The following BIRC6 variants were observed in gnomAD, a reference collection of about 807,000 sequenced individuals.
BIRC6 encodes dual E2 ubiquitin-conjugating enzyme/E3 ubiquitin-protein ligase BIRC6.
BIRC6 carries 98 observed loss-of-function variants against 503.3 expected under a neutral mutation model. That is an observed-to-expected ratio of 0.19 (90% confidence interval 0.17 to 0.23). BIRC6 has a LOEUF of 0.23. Ranked by LOEUF, BIRC6 falls within the 10% of genes least tolerant of loss-of-function variation. The probability of loss-of-function intolerance (pLI) is 1.00; values close to 1 mark genes in which losing one functional copy is unlikely to be tolerated. For missense variants in BIRC6, 5,360 were observed against 5,806.0 expected (o/e 0.92, Z 2.50); for synonymous variants, 2,240 against 2,078.7 (o/e 1.08, Z -2.11).
intron 61 of BIRC6, among the ~76,000 whole-genome samples, chr2:32,535,376 A>G (rs1558996413): frequency 6.6e-6 from 1 of 152,128 alleles, no homozygotes; most frequent in African/African-American, 2.4e-5. Flanking sequence ...ACATGTATAC[A>G]TGTGCAATGT....
chr2:32,589,171 T>G (rs1465487383), intron 66 of BIRC6, among the ~76,000 whole-genome samples: 1 of 152,232 alleles, frequency 6.6e-6, no homozygotes, highest in African/African-American at 2.4e-5. Context: ...TAAAAAAATC[T>G]TATTTGCTGC....
At chr2:32,383,116 G>T (rs1041018847) in intron 3 of BIRC6, among the ~76,000 whole-genome samples, 1 of 149,970 alleles carries the variant, frequency 6.7e-6, no homozygotes, top group Non-Finnish European at 1.5e-5. Context: ...GTGTGATCTC[G>T]GCTCACTGCA....
intron 16 of BIRC6, 79 bp downstream of exon 16, chr2:32,439,765 T>C (rs1256922639): frequency 1.5e-6 from 2 of 1,300,672 alleles, no homozygotes; most frequent in Non-Finnish European, 2.1e-6. Flanking sequence ...TTAGAAGTAG[T>C]ATGACCTTTC....
chr2:32,530,924 AT>A (rs1479136286), intron 60 of BIRC6, among the ~76,000 whole-genome samples: 1 of 152,112 alleles, frequency 6.6e-6, no homozygotes, highest in Non-Finnish European at 1.5e-5. Flanking sequence ...TTTGTCATTA[AT>A]TTTTCTTAAT....
At chr2:32,416,712 C>T (rs2042408823) in intron 10 of BIRC6, among the ~76,000 whole-genome samples, 1 of 152,040 alleles carries the variant, frequency 6.6e-6, no homozygotes, top group Non-Finnish European at 1.5e-5. Context: ...AATTTTGAAG[C>T]ACTATATAGA....
intron 1 of BIRC6, among the ~76,000 whole-genome samples, chr2:32,373,079 T>C (rs1193265515): frequency 6.6e-6 from 1 of 152,264 alleles, no homozygotes; most frequent in Non-Finnish European, 1.5e-5. Flanking sequence ...AGAGTTCCAG[T>C]TGTTCTGCAT....
chr2:32,454,137 T>TC (rs1265625282), intron 23 of BIRC6, among the ~76,000 whole-genome samples, 195 bp downstream of exon 23: 2 of 152,168 alleles, frequency 1.3e-5, no homozygotes, highest in African/African-American at 2.4e-5. Flanking sequence ...GGGTTATTTT[T>TC]CCCCCTGTAC....
intron 26 of BIRC6, 85 bp downstream of exon 26, chr2:32,465,249 ATTTTTTTTTT>A: frequency 3.7e-6 from 1 of 272,296 alleles, no homozygotes; most frequent in East Asian, 6.8e-5. Context: ...CTTCAGTTCG[ATTTTTTTTTT>A]TTTTTTTTTT....
intron 56 of BIRC6, 134 bp downstream of exon 56, chr2:32,518,531 A>G: frequency 1.1e-6 from 1 of 937,256 alleles, no homozygotes; most frequent in Non-Finnish European, 1.6e-6. Context: ...ATACCTAATG[A>G]CAGAACTTGA....
At chr2:32,600,242 C>CA (rs2061961833) in intron 70 of BIRC6, among the ~76,000 whole-genome samples, 1 of 152,112 alleles carries the variant, frequency 6.6e-6, no homozygotes, top group South Asian at 2.1e-4. Context: ...TTTCCATTTA[C>CA]AAAAAAGCTG....
intron 32 of BIRC6, 36 bp from the exon 33 acceptor site, chr2:32,473,076 A>G (rs751590006): frequency 6.6e-7 from 1 of 1,510,574 alleles, no homozygotes; most frequent in Non-Finnish European, 8.9e-7. Context: ...ATCACATTTA[A>G]CAGAATTATT....
At chr2:32,490,921 C>G (rs140821990) in intron 43 of BIRC6, among the ~76,000 whole-genome samples, 73 of 152,274 alleles carry the variant, frequency 4.8e-4, no homozygotes, top group African/African-American at 1.6e-3. Context: ...AAAAGCATCA[C>G]TGTGATACTG....
chr2:32,602,216 G>GA (rs2062111339), intron 70 of BIRC6, among the ~76,000 whole-genome samples: 1 of 152,168 alleles, frequency 6.6e-6, no homozygotes, highest in South Asian at 2.1e-4. Context: ...AATGGATAAA[G>GA]AAAACTTGGT....
chr2:32,410,735 C>G (rs1218792390), intron 9 of BIRC6, among the ~76,000 whole-genome samples: 1 of 150,890 alleles, frequency 6.6e-6, no homozygotes, highest in Non-Finnish European at 1.5e-5. Context: ...GAGTCTCGCT[C>G]TGTCGCCCAG....
Position 32,508,275 on chromosome 2 carries a change from C to A in BIRC6, c.9980+16C>A. 3 of 577,766 alleles carry A rather than the reference C, an allele frequency of 5.2e-6. No homozygotes were observed. The highest frequency in any genetic ancestry group is 5.5e-5 in the South Asian group (1 of 18,146). The allele number at this position is 577,766 out of a possible 1,614,324, so 35.8% of individuals were successfully genotyped here. A position where few individuals can be genotyped will look rare whatever the true frequency, so the allele number is the denominator to read the frequency against. On this transcript the variant is annotated intron_variant, in intron 51 of 73. Transcript: ENST00000421745. ...CCAAAACAAGGTATGTTTTGTTTGT[C>A]CTTTTTTTTTTTTTTTTTTTTTTTT...
chr2:32,504,230 G>T (rs2053550383), intron 49 of BIRC6, among the ~76,000 whole-genome samples: 1 of 151,724 alleles, frequency 6.6e-6, no homozygotes, highest in Admixed American at 6.6e-5. Flanking sequence ...TAAAAGTTTT[G>T]AATTTAGGTA....
chr2:32,505,878 G>T (rs1008618478), intron 50 of BIRC6, among the ~76,000 whole-genome samples: 2 of 151,694 alleles, frequency 1.3e-5, no homozygotes, highest in East Asian at 1.9e-4. Context: ...TTGAGGCAGG[G>T]TCTCACTCTG....
Position 32,357,891 on chromosome 2 carries a change from G to A in BIRC6, c.325+405G>A, listed in dbSNP as rs549698894. Among the ~76,000 whole-genome samples the A allele has an allele frequency of 6.6e-6, 1 of 152,304 alleles. No homozygotes were observed. The highest frequency in any genetic ancestry group is 1.9e-4 in the East Asian group (1 of 5,168). ...TGGAAGGGTTGACCCCGGGCGGAGA[G>A]GCTGGTGGCCGGAGGCGAGGGGCGG... On this transcript the variant is annotated intron_variant, in intron 1 of 73. Transcript: ENST00000421745. This position sits in a 1 kb window ranked among gnomAD's most constrained non-coding sequence, Gnocchi z 4.9.
At chr2:32,438,327 A>G (rs1283629332) in intron 15 of BIRC6, among the ~76,000 whole-genome samples, 1 of 152,216 alleles carries the variant, frequency 6.6e-6, no homozygotes, top group Admixed American at 6.5e-5. Context: ...CAGTAGTGTT[A>G]AGAAAAATGT....
Sources: gnomAD v4.1 joint callset for allele counts (sites outside exome capture counted in the v4.1 genomes callset) on GRCh38, gnomAD v4.1.1 for gene constraint, Gnocchi (gnomAD v3.1) non-coding constraint, MANE v1.5 for transcripts, NCBI Gene and HGNC (gene_info 2026-07-23, HGNC 2026-07-21) for gene names.